The following CFAP299 variants were observed in gnomAD, a reference collection of about 807,000 sequenced individuals.
CFAP299 encodes the protein cilia and flagella associated protein 299.
CFAP299 carries 21 observed loss-of-function variants against 27.0 expected under a neutral mutation model. The ratio of observed to expected loss-of-function variants is 0.78; its 90% CI spans 0.55 to 1.12. CFAP299 has a LOEUF of 1.12. Ranked by LOEUF, CFAP299 falls within the 50% of genes most tolerant of loss-of-function variation. CFAP299 has a pLI of 0.00. For missense variants in CFAP299, 310 were observed against 276.6 expected (o/e 1.12, Z -0.86); for synonymous variants, 104 against 98.1 (o/e 1.06, Z -0.36).
At chr4:80,326,833 C>T in the CFAP299 span, among the ~76,000 whole-genome samples, 1 of 152,066 alleles carries the variant, frequency 6.6e-6, no homozygotes, top group Non-Finnish European at 1.5e-5. Flanking sequence ...ATAAGTGTAT[C>T]TATAATTACA....
rs1292228090 is a variant in CFAP299 at position 80,625,560 on chromosome 4, T to A, written c.333+42377T>A. On this transcript the variant is annotated intron_variant, in intron 3 of 5. Coordinates refer to ENST00000358105, the MANE Select transcript of CFAP299 (RefSeq NM_152770.3). ...TTACTTTGAATGTAAATGGATTATG[T>A]TCTCCCATCAAAAGGTGTAAGATAG... Among the ~76,000 whole-genome samples the A allele has an allele frequency of 1.6e-4, 24 of 152,004 alleles. 1 individual carries two copies. The highest frequency in any genetic ancestry group is 1.6e-3 in the Admixed American group (24 of 15,254).
chr4:80,915,058 G>T (rs970299623), intron 4 of CFAP299, among the ~76,000 whole-genome samples: 3 of 151,142 alleles, frequency 2.0e-5, no homozygotes, highest in African/African-American at 4.9e-5. Flanking sequence ...TTTTGCTACC[G>T]TTTTCCCCTA....
At chr4:80,927,035 T>C (rs1415030161) in intron 4 of CFAP299, among the ~76,000 whole-genome samples, 2 of 152,054 alleles carry the variant, frequency 1.3e-5, no homozygotes, top group African/African-American at 4.8e-5. Context: ...CCAGCACATA[T>C]TTCCTTGGTT....
chr4:80,440,943 T>C (rs1728329610), intron 2 of CFAP299, among the ~76,000 whole-genome samples: 1 of 151,956 alleles, frequency 6.6e-6, no homozygotes, highest in African/African-American at 2.4e-5. Flanking sequence ...ATCAATCAAG[T>C]GGAAGTAAAG....
intron 3 of CFAP299, among the ~76,000 whole-genome samples, chr4:80,686,446 A>G (rs1720202121): frequency 6.6e-6 from 1 of 152,208 alleles, no homozygotes; most frequent in Non-Finnish European, 1.5e-5. Flanking sequence ...AAATACTTTC[A>G]TATGTGTTGC....
chr4:80,552,128 A>T (rs1734552331), intron 2 of CFAP299, among the ~76,000 whole-genome samples: 2 of 152,226 alleles, frequency 1.3e-5, no homozygotes, highest in South Asian at 4.1e-4. Flanking sequence ...GTGTTTAAAT[A>T]CAAATGGTCA....
chr4:80,458,787 A>G (rs150557886), intron 2 of CFAP299, among the ~76,000 whole-genome samples: 114 of 152,166 alleles, frequency 7.5e-4, no homozygotes, highest in African/African-American at 2.7e-3. Flanking sequence ...AAGGTTTCGA[A>G]TGCCCCAGAC....
At chr4:80,608,860 CATGT>C (rs755267379) in intron 3 of CFAP299, among the ~76,000 whole-genome samples, 118 of 49,430 alleles carry the variant, frequency 2.4e-3, no homozygotes, top group African/African-American at 4.9e-3. Flanking sequence ...TTACACGATG[CATGT>C]GTGTGTGTGT....
chr4:80,436,297 CTTTTTT>C (rs781551098), intron 2 of CFAP299, among the ~76,000 whole-genome samples: 1 of 136,426 alleles, frequency 7.3e-6, no homozygotes, highest in Admixed American at 7.4e-5. Context: ...TGTGGGATAT[CTTTTTT>C]TTTTTTTTTT....
chr4:80,671,895 A>G (rs979823765), intron 3 of CFAP299, among the ~76,000 whole-genome samples: 1 of 152,068 alleles, frequency 6.6e-6, no homozygotes, highest in Non-Finnish European at 1.5e-5. Flanking sequence ...GAGATTTTGG[A>G]CTGAGATGAT....
chr4:80,332,694 A>G (rs549878062), upstream of CFAP299, among the ~76,000 whole-genome samples: 9 of 152,304 alleles, frequency 5.9e-5, no homozygotes, highest in South Asian at 1.9e-3. Flanking sequence ...AAGCCATAGT[A>G]GAAGGTAAGA....
chr4:80,862,951 G>C (rs370941347), intron 3 of CFAP299, among the ~76,000 whole-genome samples: 35 of 152,116 alleles, frequency 2.3e-4, no homozygotes, highest in Non-Finnish European at 4.0e-4. Context: ...GATTCGCAGA[G>C]AACTTAGGCT....
chr4:80,371,477 T>G (rs1724150278), intron 2 of CFAP299, among the ~76,000 whole-genome samples: 1 of 152,242 alleles, frequency 6.6e-6, no homozygotes, highest in African/African-American at 2.4e-5. Flanking sequence ...TTTTCCAAAC[T>G]TTTATACTCT....
At chr4:80,696,999 G>A (rs1721138254) in intron 3 of CFAP299, among the ~76,000 whole-genome samples, 1 of 152,102 alleles carries the variant, frequency 6.6e-6, no homozygotes, top group African/African-American at 2.4e-5. Flanking sequence ...TAATATTTTT[G>A]TAAAGATTTT....
chr4:80,439,106 A>AT (rs1728227238), intron 2 of CFAP299, among the ~76,000 whole-genome samples: 1 of 152,198 alleles, frequency 6.6e-6, no homozygotes, highest in Non-Finnish European at 1.5e-5. Context: ...ATTATTTTAA[A>AT]TTTGTCTTCT....
At chr4:80,805,426 C>G (rs1273372778) in intron 3 of CFAP299, among the ~76,000 whole-genome samples, 2 of 152,128 alleles carry the variant, frequency 1.3e-5, no homozygotes, top group Non-Finnish European at 2.9e-5. Flanking sequence ...AACTATATCA[C>G]TTTCATTCAT....
rs186198662 is a variant in CFAP299, at chr4:80,798,659, G to T, written c.334-71334G>T. On this transcript the variant is annotated intron_variant, in intron 3 of 5. Coordinates refer to ENST00000358105, the MANE Select transcript of CFAP299 (RefSeq NM_152770.3). Reference sequence around the variant, plus strand: ...CTCAGGACAATCTTAGCAGATTTGAGGCTCAGTATCTGCTTCTAAAGCCAG... The same window carrying T: ...CTCAGGACAATCTTAGCAGATTTGATGCTCAGTATCTGCTTCTAAAGCCAG... Among the ~76,000 whole-genome samples, 593 of 152,142 alleles carry T rather than the reference G, an allele frequency of 3.9e-3. 1 individual carries two copies. Among genetic ancestry groups the T allele is most frequent in the African/African-American group, 0.013 (555 of 41,520 alleles).
intron 1 of CFAP299, among the ~76,000 whole-genome samples, chr4:80,354,369 G>T (rs1243055996): frequency 6.6e-6 from 1 of 152,162 alleles, no homozygotes; most frequent in African/African-American, 2.4e-5. Context: ...ACAGTTAAAT[G>T]TTGAAGAAGT....
chr4:80,581,463 T>TATATATATATATATATAC (rs1736166885), intron 2 of CFAP299, among the ~76,000 whole-genome samples: 1 of 130,140 alleles, frequency 7.7e-6, no homozygotes, highest in Non-Finnish European at 1.6e-5. Flanking sequence ...GATATATATA[T>TATATATATATATATATAC]ATATATATAT....
Sources: allele counts gnomAD v4.1 joint callset (sites outside exome capture counted in the v4.1 genomes callset), GRCh38; gene constraint gnomAD v4.1.1; transcripts MANE v1.5; gene names NCBI Gene and HGNC (gene_info 2026-07-23, HGNC 2026-07-21).